PDE4D: variants seen among roughly 807,000 people sequenced by gnomAD.
PDE4D encodes the protein 3',5'-cyclic-AMP phosphodiesterase 4D.
In PDE4D, 24 loss-of-function variants were observed where a neutral mutation model predicts 87.4. That is an observed-to-expected ratio of 0.27 (90% CI 0.20 to 0.39). PDE4D has a LOEUF of 0.39. Ranked by LOEUF, PDE4D falls within the 10% of genes least tolerant of loss-of-function variation. The pLI is 1.00. For missense variants in PDE4D, 714 were observed against 1,041.0 expected (o/e 0.69, Z 4.32); for synonymous variants, 384 against 383.2 (o/e 1.00, Z -0.02).
At chr5:59,399,169 A>T (rs1454395351) in intron 1 of PDE4D, among the ~76,000 whole-genome samples, 1 of 135,208 alleles carries the variant, frequency 7.4e-6, no homozygotes, top group African/African-American at 2.7e-5. Context: ...AGGTAATTTA[A>T]AGATTCAATG....
intron 3 of PDE4D, among the ~76,000 whole-genome samples, chr5:59,193,028 T>TGA (rs1744684309): frequency 6.6e-6 from 1 of 152,214 alleles, no homozygotes; most frequent in Non-Finnish European, 1.5e-5. Flanking sequence ...GGTTAAAGTA[T>TGA]TTTCATGATT....
At chr5:60,410,913 C>T (rs540274705) in intron 1 of PDE4D, among the ~76,000 whole-genome samples, 41 of 152,316 alleles carry the variant, frequency 2.7e-4, no homozygotes, top group Admixed American at 1.7e-3. Flanking sequence ...CTGCTTCTAA[C>T]AGGAATTCAT....
At chr5:59,452,146 GA>G (rs150367783) in intron 1 of PDE4D, among the ~76,000 whole-genome samples, 2,805 of 152,226 alleles carry the variant, frequency 0.018, 91 homozygotes, top group African/African-American at 0.065. Flanking sequence ...GTGGCCCAGG[GA>G]AGACAGAAGA....
At chr5:60,124,585 A>C (rs1466051094) in intron 2 of PDE4D, among the ~76,000 whole-genome samples, 1 of 152,134 alleles carries the variant, frequency 6.6e-6, no homozygotes, top group Non-Finnish European at 1.5e-5. Context: ...TCCAGTTATT[A>C]CTGTCTCTGT....
intron 1 of PDE4D, among the ~76,000 whole-genome samples, chr5:60,478,880 A>T (rs1019279344): frequency 3.3e-5 from 5 of 152,184 alleles, no homozygotes; most frequent in African/African-American, 1.2e-4. Context: ...ACATCTTTGT[A>T]TGAGGAGAAA....
chr5:59,756,706 T>C (rs1761279221), intron 1 of PDE4D, among the ~76,000 whole-genome samples: 1 of 152,182 alleles, frequency 6.6e-6, no homozygotes, highest in Admixed American at 6.5e-5. Flanking sequence ...AGAAGGTATG[T>C]TTCTCAATCG....
intron 6 of PDE4D, among the ~76,000 whole-genome samples, chr5:59,016,387 G>GTTTTTTTTTTTTTTTT (rs1439854336): frequency 1.1e-5 from 1 of 89,264 alleles, no homozygotes; most frequent in Non-Finnish European, 2.3e-5. Flanking sequence ...TTATCAGTCT[G>GTTTTTTTTTTTTTTTT]TTCTTTTTTT....
chr5:59,799,613 G>C (rs1368336000), intron 1 of PDE4D, among the ~76,000 whole-genome samples: 1 of 152,186 alleles, frequency 6.6e-6, no homozygotes, highest in Non-Finnish European at 1.5e-5. Context: ...GACAAACATA[G>C]CATAGTAAAC....
intron 1 of PDE4D, among the ~76,000 whole-genome samples, chr5:60,318,708 T>G (rs1755890786): frequency 6.6e-6 from 1 of 152,050 alleles, no homozygotes; most frequent in African/African-American, 2.4e-5. Flanking sequence ...AGCATTTGCT[T>G]GTCTGTAAAG....
chr5:59,784,712 T>C (rs1301784320), intron 1 of PDE4D, among the ~76,000 whole-genome samples: 1 of 152,276 alleles, frequency 6.6e-6, no homozygotes, highest in Non-Finnish European at 1.5e-5. Context: ...TGTTTTAAAA[T>C]GGGTGATGTG....
intron 2 of PDE4D, among the ~76,000 whole-genome samples, chr5:60,092,050 CAAAAAAAAA>C (rs66814905): frequency 8.9e-5 from 5 of 55,992 alleles, no homozygotes; most frequent in African/African-American, 1.6e-4. Context: ...AACTCCGTCT[CAAAAAAAAA>C]AAAAAAAAAA....
At chr5:60,220,384 C>G (rs1258357421) in intron 1 of PDE4D, among the ~76,000 whole-genome samples, 1 of 152,152 alleles carries the variant, frequency 6.6e-6, no homozygotes, top group Non-Finnish European at 1.5e-5. Flanking sequence ...TAATGGCAAC[C>G]TATCCCATTT....
At chr5:59,177,022 T>C (rs1408157454) in intron 5 of PDE4D, among the ~76,000 whole-genome samples, 1 of 152,204 alleles carries the variant, frequency 6.6e-6, no homozygotes, top group Non-Finnish European at 1.5e-5. Flanking sequence ...TTTCCTTCGT[T>C]TGTGTCTTTG....
intron 1 of PDE4D, among the ~76,000 whole-genome samples, chr5:60,371,136 A>C (rs1405715715): frequency 6.6e-6 from 1 of 152,234 alleles, no homozygotes; most frequent in Admixed American, 6.5e-5. Flanking sequence ...AACAAGGTCA[A>C]GAAGTGAGCT....
chr5:59,855,292 T>C (rs1399675049), intron 1 of PDE4D, among the ~76,000 whole-genome samples: 1 of 152,170 alleles, frequency 6.6e-6, no homozygotes, highest in Non-Finnish European at 1.5e-5. Flanking sequence ...TGTGTGCTTG[T>C]ACTTTTAACA....
intron 1 of PDE4D, among the ~76,000 whole-genome samples, chr5:59,227,728 T>TA (rs1017673641): frequency 1.3e-5 from 2 of 152,128 alleles, no homozygotes; most frequent in Non-Finnish European, 2.9e-5. Context: ...TGGCTATTAC[T>TA]AAAAAGTCAA....
intron 2 of PDE4D, among the ~76,000 whole-genome samples, chr5:60,163,600 C>G (rs1001075906): frequency 1.3e-5 from 2 of 152,152 alleles, no homozygotes; most frequent in Admixed American, 1.3e-4. Context: ...CATACTTGTG[C>G]TCATCACTTC....
At chr5:60,125,495 G>C (rs903087571) in intron 2 of PDE4D, among the ~76,000 whole-genome samples, 1 of 151,834 alleles carries the variant, frequency 6.6e-6, no homozygotes, top group African/African-American at 2.4e-5. Flanking sequence ...CCCTTTATTG[G>C]GCAGGTACAC....
intron 1 of PDE4D, among the ~76,000 whole-genome samples, chr5:59,513,884 T>C (rs1368531003): frequency 6.6e-6 from 1 of 152,088 alleles, no homozygotes; most frequent in Non-Finnish European, 1.5e-5. Flanking sequence ...TAAGAGAGAT[T>C]GAGATTCAGG....
Sources: gnomAD v4.1 joint callset for allele counts (sites outside exome capture counted in the v4.1 genomes callset) on GRCh38, gnomAD v4.1.1 for gene constraint, MANE v1.5 for transcripts, NCBI Gene and HGNC (gene_info 2026-07-23, HGNC 2026-07-21) for gene names.